ASTN1: variants seen among roughly 807,000 people sequenced by gnomAD.
The protein encoded by ASTN1 is astrotactin-1.
In ASTN1, 41 loss-of-function variants were observed where a neutral mutation model predicts 140.7. The ratio of observed to expected loss-of-function variants is 0.29; its 90% CI spans 0.23 to 0.38. The LOEUF is 0.38. Ranked by LOEUF, ASTN1 falls within the 10% of genes least tolerant of loss-of-function variation. The pLI, the probability that ASTN1 is intolerant of heterozygous loss-of-function variation, is 1.00. For missense variants in ASTN1, 1,479 were observed against 1,678.8 expected, an observed-to-expected ratio of 0.88 and a Z score of 2.08; for synonymous variants, 640 against 652.2, an observed-to-expected ratio of 0.98 and a Z score of 0.29.
intron 1 of ASTN1, among the ~76,000 whole-genome samples, chr1:177,111,062 A>T (rs925890605): frequency 6.6e-6 from 1 of 152,186 alleles, no homozygotes; most frequent in African/African-American, 2.4e-5. Flanking sequence ...CCTCTTGGGG[A>T]CAGTGGCAGG....
chr1:176,950,510 T>C (rs1184340668), intron 11 of ASTN1, among the ~76,000 whole-genome samples: 2 of 152,158 alleles, frequency 1.3e-5, no homozygotes, highest in Non-Finnish European at 2.9e-5. Flanking sequence ...TACCCTATAT[T>C]ATCCCTATTT....
At chr1:176,948,235 G>A (rs910165199) in intron 12 of ASTN1, among the ~76,000 whole-genome samples, 5 of 151,552 alleles carry the variant, frequency 3.3e-5, no homozygotes, top group Non-Finnish European at 7.4e-5. Flanking sequence ...CTCAGTGGTC[G>A]GCACAGTTTG....
intron 1 of ASTN1, among the ~76,000 whole-genome samples, chr1:177,136,859 G>C (rs566960500): frequency 3.4e-4 from 52 of 152,246 alleles, no homozygotes; most frequent in Non-Finnish European, 5.9e-4. Flanking sequence ...TATTATACTT[G>C]GTTTCTGCTT....
chr1:177,005,773 A>G (rs1488720710), intron 8 of ASTN1, among the ~76,000 whole-genome samples: 2 of 152,080 alleles, frequency 1.3e-5, no homozygotes, highest in African/African-American at 4.8e-5. Flanking sequence ...ACGCCCAGCT[A>G]ATTTTCTGTA....
intron 1 of ASTN1, among the ~76,000 whole-genome samples, chr1:177,091,735 C>G (rs979213718): frequency 7.9e-5 from 12 of 152,106 alleles, no homozygotes; most frequent in Non-Finnish European, 4.4e-5. Flanking sequence ...AACCACTAAT[C>G]AACTTTCTGT....
chr1:177,030,719 T>C, intron 4 of ASTN1, 87 bp downstream of exon 4: 1 of 1,528,976 alleles, frequency 6.5e-7, no homozygotes, highest in East Asian at 2.3e-5. Context: ...CAGCCACGCA[T>C]GAGAGAATGG....
intron 2 of ASTN1, among the ~76,000 whole-genome samples, chr1:177,040,031 C>G (rs1236138534): frequency 6.6e-6 from 1 of 152,194 alleles, no homozygotes; most frequent in Non-Finnish European, 1.5e-5. Context: ...ATGAAGATCC[C>G]TTTCCTGCCA....
Position 176,936,383 on chromosome 1 carries a change from G to A in ASTN1, c.2378-13C>T. 6.2e-7 allele frequency: 1 copy of A among 1,603,530 alleles called. No homozygotes were observed. The highest frequency in any genetic ancestry group is 8.5e-7 in the Non-Finnish European group (1 of 1,173,770). On this transcript the variant is annotated splice_polypyrimidine_tract_variant and intron_variant, in intron 14 of 22. Coordinates refer to ENST00000361833, the MANE Select transcript of ASTN1 (RefSeq NM_004319.3). ...AAGTTCACCATCCCTAAGGACAGAA[G>A]AGATGTAAGCTGAGTTCTGATACTG...
intron 20 of ASTN1, among the ~76,000 whole-genome samples, chr1:176,882,088 A>C (rs1285613283): frequency 3.3e-5 from 5 of 152,216 alleles, no homozygotes; most frequent in Non-Finnish European, 7.3e-5. Flanking sequence ...TCTGCGTCAC[A>C]AACATTTTAC....
chr1:176,862,664 G>A lies in ASTN1; in HGVS notation c.*1620C>T. 1 of 931,318 alleles carries A rather than the reference G, an allele frequency of 1.1e-6. No individual in the cohort carries two copies. Among genetic ancestry groups the A allele is most frequent in the East Asian group, 1.2e-4 (1 of 8,532 alleles). 57.7% of individuals were successfully genotyped at this position (931,318 alleles called of 1,614,324 possible). On this transcript the variant is annotated 3_prime_UTR_variant, in exon 23 of 23. Coordinates refer to ENST00000361833, the MANE Select transcript of ASTN1 (RefSeq NM_004319.3). ...AGTTACAGTGCACAAGGGATTTGAG[G>A]CAAGTTGTATAACCTCTCTTTGCCT...
At chr1:176,988,613 G>A (rs1052608673) in intron 8 of ASTN1, among the ~76,000 whole-genome samples, 5 of 152,116 alleles carry the variant, frequency 3.3e-5, no homozygotes, top group Non-Finnish European at 7.4e-5. Flanking sequence ...TATGAAGCTC[G>A]GAGGCAGCAT....
intron 1 of ASTN1, among the ~76,000 whole-genome samples, chr1:177,102,637 G>A (rs891372203): frequency 6.6e-6 from 1 of 152,204 alleles, no homozygotes; most frequent in African/African-American, 2.4e-5. Flanking sequence ...TAATGAGGGT[G>A]TAAAATTATA....
At chr1:177,140,149 T>A (rs1392692813) in intron 1 of ASTN1, among the ~76,000 whole-genome samples, 1 of 152,176 alleles carries the variant, frequency 6.6e-6, no homozygotes. Flanking sequence ...AATTCTATCA[T>A]CAAAGCGATG....
At chr1:177,073,657 C>A (rs894751232) in intron 1 of ASTN1, among the ~76,000 whole-genome samples, 1 of 149,910 alleles carries the variant, frequency 6.7e-6, no homozygotes, top group African/African-American at 2.5e-5. Context: ...CTTTTCTGTG[C>A]ATGTTCGCTG....
intron 8 of ASTN1, among the ~76,000 whole-genome samples, chr1:176,995,024 A>G (rs1337699070): frequency 6.6e-6 from 1 of 152,198 alleles, no homozygotes; most frequent in Non-Finnish European, 1.5e-5. Flanking sequence ...TGTTAAATAT[A>G]AAAATCTGAT....
intron 16 of ASTN1, among the ~76,000 whole-genome samples, chr1:176,902,503 T>A (rs1407230710): frequency 6.6e-6 from 1 of 152,228 alleles, no homozygotes; most frequent in Non-Finnish European, 1.5e-5. Context: ...TGGTTGAGGT[T>A]CCCGGCTAAT....
chr1:177,101,285 C>A (rs1680288945), intron 1 of ASTN1, among the ~76,000 whole-genome samples: 1 of 152,024 alleles, frequency 6.6e-6, no homozygotes, highest in Admixed American at 6.6e-5. Flanking sequence ...TCAAAATAGA[C>A]CCAAACTGGA....
At chr1:177,097,836 T>A (rs1305267123) in intron 1 of ASTN1, among the ~76,000 whole-genome samples, 1 of 152,148 alleles carries the variant, frequency 6.6e-6, no homozygotes, top group Non-Finnish European at 1.5e-5. Context: ...TACGCCTATA[T>A]AATGGAACCT....
In ASTN1 at chr1:176,864,262, G is replaced by A; in HGVS notation, c.*22C>T. The A allele has an allele frequency of 6.2e-7, 1 of 1,608,286 alleles. No individual in the cohort carries two copies. The highest frequency in any genetic ancestry group is 8.5e-7 in the Non-Finnish European group (1 of 1,176,414). On this transcript the variant is annotated 3_prime_UTR_variant, in exon 23 of 23. Transcript: ENST00000361833. ...TCCTCTTTCCTACTTCATTCTGGCA[G>A]CAGCTCCCTGGCCTTATGGTGCTAG...
Sources: gnomAD v4.1 joint callset for allele counts (sites outside exome capture counted in the v4.1 genomes callset) on GRCh38, gnomAD v4.1.1 for gene constraint, MANE v1.5 for transcripts, NCBI Gene and HGNC (gene_info 2026-07-23, HGNC 2026-07-21) for gene names.